CEP57: variants seen among roughly 807,000 people sequenced by gnomAD.
CEP57 encodes centrosomal protein of 57 kDa.
A neutral mutation model predicts 68.0 loss-of-function variants in CEP57; 40 were observed. The observed-to-expected ratio is 0.59, with a 90% CI of 0.46 to 0.77. The LOEUF is 0.77. Among genes scored for constraint, CEP57 ranks in the 30% least tolerant of loss-of-function variants. The pLI, the probability that CEP57 is intolerant of heterozygous loss-of-function variation, is 0.00. For missense variants in CEP57, 606 were observed against 580.7 expected (o/e 1.04, Z -0.45); for synonymous variants, 219 against 198.7 (o/e 1.10, Z -0.86).
intron 8 of CEP57, chr11:95,822,950 G>T: frequency 3.7e-6 from 1 of 270,008 alleles, no homozygotes; most frequent in Non-Finnish European, 7.3e-6. Context: ...GAATAAGCAC[G>T]TAGCACATTC....
chr11:95,807,525 T>G (rs1457990297), intron 2 of CEP57, among the ~76,000 whole-genome samples: 3 of 152,110 alleles, frequency 2.0e-5, no homozygotes, highest in African/African-American at 7.2e-5. Context: ...AGACCTTAAA[T>G]GACCTGATGG....
At chr11:95,830,896 C>A in intron 10 of CEP57, 130 bp from the exon 11 acceptor site, 1 of 622,258 alleles carries the variant, frequency 1.6e-6, no homozygotes, top group Non-Finnish European at 2.8e-6. Context: ...AAAAGAAAGC[C>A]TAGAATGTAT....
At chr11:95,828,826 G>A (rs528286061) in intron 9 of CEP57, among the ~76,000 whole-genome samples, 1 of 152,062 alleles carries the variant, frequency 6.6e-6, no homozygotes, top group South Asian at 2.1e-4. Context: ...ACTTTGGGAG[G>A]CTGAAGTGGG....
intron 1 of CEP57, among the ~76,000 whole-genome samples, chr11:95,797,653 A>G (rs551523546): frequency 6.6e-6 from 1 of 152,314 alleles, no homozygotes; most frequent in South Asian, 2.1e-4. Context: ...AGGACAAAAG[A>G]CTAAATATAT....
At chr11:95,813,752 CTTG>C (rs1280797550) in intron 4 of CEP57, among the ~76,000 whole-genome samples, 163 bp downstream of exon 4, 3 of 151,992 alleles carry the variant, frequency 2.0e-5, no homozygotes, top group African/African-American at 7.3e-5. Context: ...TTGGCTTTTT[CTTG>C]TTGTTATTGT....
In CEP57 at chr11:95,819,598, A is replaced by G. The variant is rs568760097; in HGVS notation, c.699+694A>G. ...TCTCGTTATGAGCGTATTTGCTCAA[A>G]TTCCTCCCAGATACTCCCCTGCCCC... On this transcript the variant is annotated intron_variant, in intron 6 of 10. Coordinates refer to ENST00000325542, the MANE Select transcript of CEP57 (RefSeq NM_014679.5). 5.3e-5 allele frequency among the ~76,000 whole-genome samples: 8 copies of G among 152,310 alleles called. No individual in the cohort carries two copies. In the South Asian group the frequency reaches 1.7e-3, roughly 32 times the overall value.
chr11:95,825,675 C>T (rs1328538378), intron 8 of CEP57: 1 of 150,406 alleles, frequency 6.6e-6, no homozygotes, highest in Admixed American at 6.7e-5. Flanking sequence ...CAGCTCACTG[C>T]AACCTCTGCC....
At chr11:95,791,319 C>A (rs971166172) in intron 1 of CEP57, among the ~76,000 whole-genome samples, 1 of 152,146 alleles carries the variant, frequency 6.6e-6, no homozygotes, top group African/African-American at 2.4e-5. Flanking sequence ...TGTGGAAATG[C>A]CCTTTTGGAG....
chr11:95,818,662 G>A lies in CEP57; in HGVS notation c.622-165G>A, dbSNP rs556095883. Among the ~76,000 whole-genome samples the A allele has an allele frequency of 2.0e-5, 3 of 152,172 alleles. No individual in the cohort carries two copies. In the South Asian group the frequency reaches 6.2e-4, roughly 32 times the overall value. On this transcript the variant is annotated intron_variant, in intron 5 of 10. Transcript: ENST00000325542. ...GATGATAAATAATTGAACACAAAAG[G>A]AGAGCATCATGGATGCCATCCAGCT...
At chr11:95,830,119 G>A (rs895413470) in intron 10 of CEP57, among the ~76,000 whole-genome samples, 3 of 152,156 alleles carry the variant, frequency 2.0e-5, no homozygotes, top group East Asian at 3.8e-4. Flanking sequence ...CAAGTGCTCT[G>A]AGTATATCTT....
chr11:95,822,659 T>C (rs1489688356), intron 8 of CEP57, 83 bp downstream of exon 8: 1 of 1,185,410 alleles, frequency 8.4e-7, no homozygotes. Flanking sequence ...TGTCTACAAA[T>C]GGAAGGAACA....
At chr11:95,795,691 T>G (rs1861312337) in intron 1 of CEP57, 1 of 429,626 alleles carries the variant, frequency 2.3e-6, no homozygotes, top group Non-Finnish European at 4.1e-6. Flanking sequence ...AAATAATGGC[T>G]GGATGTTGAA....
Position 95,790,627 on chromosome 11 carries a change from C to G in CEP57, c.-72C>G, listed in dbSNP as rs1860980597. ...TAGGGTCCCCGCTGGTGGGCGGCTCCCGAGTCTTGGAGAAGAGCACGAGAA... is the reference window on the plus strand; with the variant it reads ...TAGGGTCCCCGCTGGTGGGCGGCTCGCGAGTCTTGGAGAAGAGCACGAGAA... On this transcript the variant is annotated 5_prime_UTR_variant, in exon 1 of 11. Coordinates refer to ENST00000325542, the MANE Select transcript of CEP57 (RefSeq NM_014679.5). The G allele has an allele frequency of 8.3e-6, 13 of 1,573,852 alleles. No homozygotes were observed. Among genetic ancestry groups the G allele is most frequent in the South Asian group, 1.1e-5 (1 of 87,220 alleles).
chr11:95,794,402 T>C (rs1861242998), intron 1 of CEP57: 1 of 445,310 alleles, frequency 2.2e-6, no homozygotes, highest in Admixed American at 2.4e-5. Context: ...TAAATTGTTT[T>C]ACCAAGTGAT....
chr11:95,811,087 A>G (rs1047901757), intron 2 of CEP57, among the ~76,000 whole-genome samples: 1 of 152,232 alleles, frequency 6.6e-6, no homozygotes, highest in Non-Finnish European at 1.5e-5. Flanking sequence ...ATTACTGGGC[A>G]TATACCCAAA....
In CEP57 at chr11:95,818,868, A is replaced by G; in HGVS notation, c.663A>G (p.Glu221=). The G allele has an allele frequency of 6.2e-7, 1 of 1,614,082 alleles. No homozygotes were observed. Among genetic ancestry groups the G allele is most frequent in the African/African-American group, 1.3e-5 (1 of 75,070 alleles). ...QELEAKLHEE[E]QERKRMQAKA... ...TGGAAGCAAAACTCCATGAAGAAGA[A>G]CAGGAAAGGAAACGCATGCAAGCTA... is the stretch of plus-strand genomic sequence containing the variant. The change falls in exon 6 of 11, where the codon GAA becomes GAG. Residue 221 remains glutamate, a synonymous_variant. Coordinates refer to ENST00000325542, the MANE Select transcript of CEP57 (RefSeq NM_014679.5).
At chr11:95,813,658 T>C (rs1291997989) in intron 4 of CEP57, 69 bp downstream of exon 4, 3 of 1,589,194 alleles carry the variant, frequency 1.9e-6, no homozygotes, top group Non-Finnish European at 1.7e-6. Flanking sequence ...ATAAAGACTT[T>C]TTTTCTTTCG....
chr11:95,794,797 T>C (rs1861270904), intron 1 of CEP57, among the ~76,000 whole-genome samples: 1 of 152,234 alleles, frequency 6.6e-6, no homozygotes, highest in Non-Finnish European at 1.5e-5. Flanking sequence ...ATTTTTTTCC[T>C]ACTTATTTTA....
intron 8 of CEP57, among the ~76,000 whole-genome samples, chr11:95,824,055 C>G: frequency 6.9e-6 from 1 of 145,162 alleles, no homozygotes; most frequent in Non-Finnish European, 1.5e-5. Context: ...ATAAATGAAT[C>G]CAGCTGAAGG....
Sources: gnomAD v4.1 joint callset for allele counts (sites outside exome capture counted in the v4.1 genomes callset) on GRCh38, gnomAD v4.1.1 for gene constraint, MANE v1.5 for transcripts, NCBI Gene and HGNC (gene_info 2026-07-23, HGNC 2026-07-21) for gene names.